COL21A1: variants seen among roughly 807,000 people sequenced by gnomAD.
The protein encoded by COL21A1 is collagen type XXI alpha 1 chain.
In COL21A1, 149 loss-of-function variants were observed where a neutral mutation model predicts 137.9. That is an observed-to-expected ratio of 1.08 (90% CI 0.95 to 1.24). The LOEUF is 1.24. Among genes scored for constraint, COL21A1 ranks in the 50% most tolerant of loss-of-function variants. The probability of loss-of-function intolerance (pLI) is 0.00; values close to 1 mark genes in which losing one functional copy is unlikely to be tolerated. For synonymous variants in COL21A1, 456 were observed against 391.5 expected, an observed-to-expected ratio of 1.16 and a Z score of -1.95; for missense variants, 1,167 against 1,158.4, an observed-to-expected ratio of 1.01 and a Z score of -0.11.
At position 56,182,562 on chromosome 6, in the gene COL21A1, A is replaced by C. The variant is rs562618246; in HGVS notation, c.57T>G (p.Ser19=). 1.2e-6 allele frequency: 2 copies of C among 1,605,080 alleles called. No individual in the cohort carries two copies. The highest frequency in any genetic ancestry group is 1.1e-5 in the South Asian group (1 of 89,560). ...TTACTTCCCCATCTTCAGCTAACAC[A>C]GAATTCTGAAGAAGCAGCACCAAAA... is the stretch of plus-strand genomic sequence containing the variant. ...CMVLVLLLQN[S]VLAEDGEVRS... is the part of the protein sequence containing the mutation. The change falls in exon 2 of 30, where the codon TCT becomes TCG. Residue 19 remains serine, a synonymous_variant. Coordinates refer to ENST00000244728, the MANE Select transcript of COL21A1 (RefSeq NM_030820.4).
At position 56,061,679 on chromosome 6, in the gene COL21A1, T is replaced by A; in HGVS notation, c.2175A>T (p.Gly725=). The A allele has an allele frequency of 6.3e-7, 1 of 1,578,848 alleles. No individual in the cohort carries two copies. The highest frequency in any genetic ancestry group is 8.7e-7 in the Non-Finnish European group (1 of 1,155,124). The part of the protein sequence containing the change: ...NGRQGIPGQQ[G]IQGHHGAKGE... ...CTTTTGCACCATGATGGCCTTGAAT[T>A]CCCTTTGAAAATTAATAGAAAAAAT... The change falls in exon 25 of 30, where the codon GGA becomes GGT. Residue 725 remains glycine (G), a splice_region_variant and synonymous_variant. Transcript: ENST00000244728.
chr6:56,239,912 C>G (rs1925155), intron 1 of COL21A1, among the ~76,000 whole-genome samples: 1 of 152,016 alleles, frequency 6.6e-6, no homozygotes, highest in Non-Finnish European at 1.5e-5. Flanking sequence ...CATCTTGAAT[C>G]ATAGCTCCCA....
chr6:56,317,336 G>A (rs530000499), intron 1 of COL21A1, among the ~76,000 whole-genome samples: 51 of 152,178 alleles, frequency 3.4e-4, no homozygotes, highest in Non-Finnish European at 6.9e-4. Flanking sequence ...TATTTTATAA[G>A]CTTCTATCCC....
chr6:56,268,788 T>C (rs753116156), intron 1 of COL21A1, among the ~76,000 whole-genome samples: 2 of 152,194 alleles, frequency 1.3e-5, no homozygotes, highest in Non-Finnish European at 2.9e-5. Flanking sequence ...TTAATCAGAA[T>C]GATATGATAG....
chr6:56,272,582 G>A (rs957804466), intron 1 of COL21A1, among the ~76,000 whole-genome samples: 4 of 152,254 alleles, frequency 2.6e-5, no homozygotes, highest in South Asian at 2.1e-4. Context: ...GAGGGGCCAG[G>A]GGTGTAATGA....
chr6:56,221,258 C>G (rs967191719), intron 1 of COL21A1, among the ~76,000 whole-genome samples: 2 of 152,082 alleles, frequency 1.3e-5, no homozygotes, highest in African/African-American at 4.8e-5. Context: ...TTAGAAATCA[C>G]TGATTTAGTC....
chr6:56,076,144 G>A (rs1248517918), intron 18 of COL21A1, among the ~76,000 whole-genome samples: 1 of 151,452 alleles, frequency 6.6e-6, no homozygotes, highest in East Asian at 1.9e-4. Context: ...AAAAGTGGAA[G>A]TATCTGAGGG....
chr6:56,355,109 G>A (rs35615447), intron 1 of COL21A1, among the ~76,000 whole-genome samples: 33,152 of 151,550 alleles, frequency 0.22, 4,058 homozygotes, highest in Middle Eastern at 0.33. Context: ...TGATAGGATT[G>A]GAATATCACC....
chr6:56,082,042 C>T (rs1767819158), intron 17 of COL21A1, among the ~76,000 whole-genome samples: 1 of 151,950 alleles, frequency 6.6e-6, no homozygotes, highest in African/African-American at 2.4e-5. Context: ...GGCATTTCTA[C>T]ATTTTTATAA....
chr6:56,074,042 G>T (rs1766993248), intron 20 of COL21A1, among the ~76,000 whole-genome samples, 190 bp downstream of exon 20: 2 of 151,310 alleles, frequency 1.3e-5, no homozygotes, highest in Admixed American at 6.6e-5. Flanking sequence ...AACATAACAG[G>T]ATGAGCTTTA....
At chr6:56,359,694 G>C (rs1453305479) in intron 1 of COL21A1, among the ~76,000 whole-genome samples, 1 of 152,100 alleles carries the variant, frequency 6.6e-6, no homozygotes, top group Admixed American at 6.5e-5. Flanking sequence ...TATATTAATG[G>C]AGGATGGAAG....
At chr6:56,180,730 AAACAAAGCATG>A (rs1777830766) in intron 2 of COL21A1, among the ~76,000 whole-genome samples, 1 of 152,218 alleles carries the variant, frequency 6.6e-6, no homozygotes, top group African/African-American at 2.4e-5. Context: ...GCTAAATGTA[AAACAAAGCATG>A]AATATAAAAT....
chr6:56,216,623 A>C (rs986330705), intron 1 of COL21A1, among the ~76,000 whole-genome samples: 1 of 152,120 alleles, frequency 6.6e-6, no homozygotes, highest in Non-Finnish European at 1.5e-5. Context: ...CACTAGTTGT[A>C]CACAGCCAAT....
intron 17 of COL21A1, among the ~76,000 whole-genome samples, chr6:56,087,061 C>CTTTTGTTTTG (rs58458377): frequency 6.7e-6 from 1 of 148,884 alleles, no homozygotes; most frequent in Non-Finnish European, 1.5e-5. Context: ...GTCCCTTCAC[C>CTTTTGTTTTG]TTTTGTTTTG....
At chr6:56,160,988 T>C (rs1408690419) in intron 9 of COL21A1, among the ~76,000 whole-genome samples, 2 of 152,194 alleles carry the variant, frequency 1.3e-5, no homozygotes, top group African/African-American at 2.4e-5. Context: ...ATCAACCTCT[T>C]TCCTCCCTCA....
At chr6:56,069,994 T>G (rs1044950791) in intron 21 of COL21A1, among the ~76,000 whole-genome samples, 1 of 151,554 alleles carries the variant, frequency 6.6e-6, no homozygotes, top group Non-Finnish European at 1.5e-5. Context: ...CCACTCTCCA[T>G]CATCCTATAG....
chr6:56,059,353 G>T, intron 28 of COL21A1, 111 bp from the exon 29 acceptor site: 2 of 637,556 alleles, frequency 3.1e-6, no homozygotes, highest in Non-Finnish European at 5.0e-6. Flanking sequence ...TTAAAAACCA[G>T]CTTGCCATCT....
At chr6:56,171,311 T>C (rs1000429278) in intron 3 of COL21A1, among the ~76,000 whole-genome samples, 183 bp from the exon 4 acceptor site, 10 of 152,056 alleles carry the variant, frequency 6.6e-5, no homozygotes, top group Admixed American at 6.5e-4. Context: ...TGTAGAAGTA[T>C]TTTACACATT....
intron 1 of COL21A1, among the ~76,000 whole-genome samples, chr6:56,219,345 A>G (rs776033853): frequency 6.6e-6 from 1 of 152,012 alleles, no homozygotes; most frequent in African/African-American, 2.4e-5. Context: ...TGCTCAGTAA[A>G]TTGATGACAT....
Sources: allele counts gnomAD v4.1 joint callset (sites outside exome capture counted in the v4.1 genomes callset), GRCh38; gene constraint gnomAD v4.1.1; transcripts MANE v1.5; gene names NCBI Gene and HGNC (gene_info 2026-07-23, HGNC 2026-07-21).